PEX5L: variants seen among roughly 807,000 people sequenced by gnomAD.
The protein encoded by PEX5L is peroxisomal biogenesis factor 5 like, also known as PEX5-related protein.
Under a neutral mutation model 84.0 loss-of-function variants are expected in PEX5L, and 30 were observed. The ratio of observed to expected loss-of-function variants is 0.36; its 90% CI spans 0.27 to 0.48. The LOEUF (loss-of-function observed/expected upper bound fraction) is 0.48, where lower values mean the gene tolerates loss of function less well. Among genes scored for constraint, PEX5L ranks in the 20% least tolerant of loss-of-function variants. PEX5L has a pLI of 0.99. For synonymous variants in PEX5L, 270 were observed against 283.1 expected (o/e 0.95, Z 0.46); for missense variants, 533 against 754.6 (o/e 0.71, Z 3.44).
At chr3:179,927,386 A>AGGACTC (rs1429456993) in intron 2 of PEX5L, among the ~76,000 whole-genome samples, 5 of 152,294 alleles carry the variant, frequency 3.3e-5, no homozygotes, top group Middle Eastern at 3.4e-3. Flanking sequence ...GGAGAGAGGC[A>AGGACTC]TGTTCTAAGA....
chr3:179,955,478 C>CTTTTT (rs397967053), intron 2 of PEX5L, among the ~76,000 whole-genome samples: 1 of 53,744 alleles, frequency 1.9e-5, no homozygotes, highest in African/African-American at 7.9e-5. Flanking sequence ...CTGCTATGCT[C>CTTTTT]TTTTTTTTTT....
chr3:179,925,199 T>C (rs1771060605), intron 2 of PEX5L, among the ~76,000 whole-genome samples: 1 of 152,226 alleles, frequency 6.6e-6, no homozygotes, highest in South Asian at 2.1e-4. Flanking sequence ...CTCTGCCTAA[T>C]GTTATTTTTC....
chr3:179,996,370 G>A (rs1039102589), intron 1 of PEX5L, among the ~76,000 whole-genome samples: 2 of 152,168 alleles, frequency 1.3e-5, no homozygotes, highest in African/African-American at 4.8e-5. Flanking sequence ...ACTAAGTAGG[G>A]ACTCTGCATT....
At chr3:179,946,966 T>C (rs994323614) in intron 2 of PEX5L, among the ~76,000 whole-genome samples, 5 of 152,246 alleles carry the variant, frequency 3.3e-5, no homozygotes, top group African/African-American at 4.8e-5. Flanking sequence ...ACTCTGTCAG[T>C]AGCAGTGGGT....
At chr3:179,960,016 C>T (rs1781611427) in intron 2 of PEX5L, among the ~76,000 whole-genome samples, 1 of 152,172 alleles carries the variant, frequency 6.6e-6, no homozygotes, top group African/African-American at 2.4e-5. Flanking sequence ...TCTGCCTCTT[C>T]TTTTCAAGAG....
chr3:179,957,328 A>G (rs1780834684), intron 2 of PEX5L, among the ~76,000 whole-genome samples: 1 of 152,186 alleles, frequency 6.6e-6, no homozygotes, highest in Non-Finnish European at 1.5e-5. Flanking sequence ...GGTGATTGCC[A>G]GTAGTCTAGC....
intron 2 of PEX5L, among the ~76,000 whole-genome samples, chr3:179,934,200 T>C (rs1773943595): frequency 6.6e-6 from 1 of 152,250 alleles, no homozygotes. Flanking sequence ...ATATCTTATA[T>C]GTATTTTCAT....
chr3:180,036,653 G>A lies in PEX5L; in HGVS notation c.-54C>T. The A allele has an allele frequency of 5.0e-6, 8 of 1,603,176 alleles. No individual in the cohort carries two copies. Among genetic ancestry groups the A allele is most frequent in the Non-Finnish European group, 6.8e-6 (8 of 1,170,078 alleles). On this transcript the variant is annotated 5_prime_UTR_variant, in exon 1 of 15. Coordinates refer to ENST00000467460, the MANE Select transcript of PEX5L (RefSeq NM_016559.3). ...AGGCCACCGGATGCTTTTCCCCCGT[G>A]CTTACTTGCCCACCAAAAGAGGGGA...
chr3:179,899,200 CA>C (rs1357714933), intron 2 of PEX5L, among the ~76,000 whole-genome samples: 1 of 151,910 alleles, frequency 6.6e-6, no homozygotes, highest in African/African-American at 2.4e-5. Context: ...GAAAGCCCCC[CA>C]AAATATTACC....
At chr3:179,908,981 A>G (rs540936864) in intron 2 of PEX5L, among the ~76,000 whole-genome samples, 2 of 152,306 alleles carry the variant, frequency 1.3e-5, no homozygotes, top group East Asian at 3.9e-4. Context: ...CACCTTCCAT[A>G]ATGCCCAGCA....
intron 2 of PEX5L, among the ~76,000 whole-genome samples, chr3:179,942,644 C>G (rs939229314): frequency 2.0e-5 from 3 of 152,246 alleles, no homozygotes; most frequent in Admixed American, 6.5e-5. Flanking sequence ...TCTGCCTTCA[C>G]TGGGACGCAC....
intron 2 of PEX5L, among the ~76,000 whole-genome samples, chr3:179,941,765 G>A (rs892207880): frequency 7.9e-5 from 12 of 152,116 alleles, no homozygotes; most frequent in African/African-American, 2.7e-4. Flanking sequence ...GCTCACGCTT[G>A]TAATCCCAGG....
chr3:179,894,926 T>C (rs1298603803), intron 3 of PEX5L, among the ~76,000 whole-genome samples: 1 of 152,116 alleles, frequency 6.6e-6, no homozygotes, highest in Non-Finnish European at 1.5e-5. Context: ...GAGAAAAGTA[T>C]TCACTAAAGT....
intron 8 of PEX5L, among the ~76,000 whole-genome samples, chr3:179,844,797 T>A (rs1366739418): frequency 6.6e-6 from 1 of 152,166 alleles, no homozygotes; most frequent in East Asian, 1.9e-4. Context: ...GCCACTGCAC[T>A]CCAGCCTGGG....
At chr3:179,879,725 AT>A (rs1360134104) in intron 5 of PEX5L, among the ~76,000 whole-genome samples, 2 of 152,340 alleles carry the variant, frequency 1.3e-5, no homozygotes, top group African/African-American at 4.8e-5. Flanking sequence ...GAATAAATAA[AT>A]GAATCAATCA....
chr3:179,958,971 G>T (rs898098919), intron 2 of PEX5L, among the ~76,000 whole-genome samples: 4 of 151,766 alleles, frequency 2.6e-5, no homozygotes, highest in African/African-American at 9.7e-5. Context: ...AGCTTACAGT[G>T]AGCCGAGATC....
intron 7 of PEX5L, among the ~76,000 whole-genome samples, chr3:179,861,895 C>A (rs1366645602): frequency 6.6e-6 from 1 of 152,166 alleles, no homozygotes; most frequent in Non-Finnish European, 1.5e-5. Context: ...TGTGTGATTT[C>A]TTGATATCAT....
chr3:179,911,556 C>A (rs564570801), intron 2 of PEX5L, among the ~76,000 whole-genome samples: 1 of 152,104 alleles, frequency 6.6e-6, no homozygotes, highest in African/African-American at 2.4e-5. Flanking sequence ...TATTATAAAT[C>A]AGCAAAATCC....
In PEX5L at chr3:179,798,058, G is replaced by A. The variant is rs1470534555; in HGVS notation, c.*3770C>T. On this transcript the variant is annotated 3_prime_UTR_variant, in exon 15 of 15. Transcript: ENST00000467460. ...TATAAAAGTGGGACTAGCTACAACTGTATTCAAGTCTTGCTTGTATGGGAA... is the reference window on the plus strand; with the variant it reads ...TATAAAAGTGGGACTAGCTACAACTATATTCAAGTCTTGCTTGTATGGGAA... 1 of 152,166 alleles carries A rather than the reference G, an allele frequency of 6.6e-6. No individual in the cohort carries two copies. Among genetic ancestry groups the A allele is most frequent in the African/African-American group, 2.4e-5 (1 of 41,412 alleles). 9.4% of individuals were successfully genotyped at this position (152,166 alleles called of 1,614,324 possible). A position where few individuals can be genotyped will look rare whatever the true frequency, so the allele number is the denominator to read the frequency against.
Sources: gnomAD v4.1 joint callset for allele counts (sites outside exome capture counted in the v4.1 genomes callset) on GRCh38, gnomAD v4.1.1 for gene constraint, MANE v1.5 for transcripts, NCBI Gene and HGNC (gene_info 2026-07-23, HGNC 2026-07-21) for gene names.